The following GLI3 variants were observed in gnomAD, a reference collection of about 807,000 sequenced individuals.
GLI3 encodes the protein transcription activator GLI3.
GLI3 carries 20 observed loss-of-function variants against 100.8 expected under a neutral mutation model. The observed-to-expected ratio is 0.20, with a 90% CI of 0.14 to 0.29. The LOEUF (loss-of-function observed/expected upper bound fraction) is 0.29. GLI3 is among the 10% of genes least tolerant of loss of function. The pLI is 1.00. For missense variants in GLI3, 2,040 were observed against 2,128.5 expected, an observed-to-expected ratio of 0.96 and a Z score of 0.82; for synonymous variants, 938 against 860.5, an observed-to-expected ratio of 1.09 and a Z score of -1.58.
intron 10 of GLI3, among the ~76,000 whole-genome samples, chr7:42,003,459 G>T (rs568762054): frequency 1.3e-5 from 2 of 151,874 alleles, no homozygotes; most frequent in African/African-American, 4.8e-5. Context: ...AAATAAAAAA[G>T]AAACCACTGA....
At chr7:41,991,181 A>G (rs1450883325) in intron 10 of GLI3, among the ~76,000 whole-genome samples, 4 of 152,208 alleles carry the variant, frequency 2.6e-5, no homozygotes, top group African/African-American at 9.6e-5. Flanking sequence ...TCTAAAAATT[A>G]GCCTTCAATG....
intron 3 of GLI3, among the ~76,000 whole-genome samples, chr7:42,142,619 G>A (rs1786596262): frequency 6.6e-6 from 1 of 152,090 alleles, no homozygotes; most frequent in South Asian, 2.1e-4. Flanking sequence ...TCAGGCACAA[G>A]AGTAGTCAAG....
At chr7:42,004,747 G>A (rs1263055256) in intron 10 of GLI3, among the ~76,000 whole-genome samples, 1 of 152,170 alleles carries the variant, frequency 6.6e-6, no homozygotes, top group Admixed American at 6.5e-5. Context: ...AAAGTGTTGG[G>A]ATTCCAGGCA....
At chr7:42,013,576 T>A (rs866493240) in intron 10 of GLI3, among the ~76,000 whole-genome samples, 1 of 152,104 alleles carries the variant, frequency 6.6e-6, no homozygotes, top group Non-Finnish European at 1.5e-5. Flanking sequence ...TCTTGCTATG[T>A]TGCCCAGGAT....
chr7:42,248,065 G>A, intron 1 of GLI3, among the ~76,000 whole-genome samples: 1 of 152,120 alleles, frequency 6.6e-6, no homozygotes, highest in East Asian at 1.9e-4. Context: ...CTCTGGAAAA[G>A]GGATTCAATA....
At chr7:42,200,393 T>C (rs928352348) in intron 2 of GLI3, among the ~76,000 whole-genome samples, 4 of 152,150 alleles carry the variant, frequency 2.6e-5, no homozygotes, top group African/African-American at 7.2e-5. Context: ...GAAAGAGACT[T>C]TGAGGCCTTA....
In GLI3 at chr7:42,252,557, T is replaced by G. The variant is rs1789044700; in HGVS notation, c.-43+11437A>C. On this transcript the variant is annotated intron_variant, in intron 1 of 2. Coordinates refer to the GLI3 transcript ENST00000678978. ...GGACTCCTCAATACTATTCTCACTA[T>G]TATACACACAAAAAGTGATTATTGG... 2.0e-5 allele frequency among the ~76,000 whole-genome samples: 3 copies of G among 152,214 alleles called. No homozygotes were observed. The South Asian group carries it at 6.2e-4, about 32-fold the overall frequency.
At chr7:42,128,280 A>C (rs1379949215) in intron 3 of GLI3, among the ~76,000 whole-genome samples, 4 of 152,134 alleles carry the variant, frequency 2.6e-5, no homozygotes, top group Non-Finnish European at 5.9e-5. Flanking sequence ...TTTGATTTAA[A>C]TTTCTATCAA....
chr7:42,056,157 C>A (rs1283830512), intron 4 of GLI3, among the ~76,000 whole-genome samples: 3 of 152,174 alleles, frequency 2.0e-5, no homozygotes, highest in Non-Finnish European at 1.5e-5. Flanking sequence ...GTAAATTGCC[C>A]AGTCTCGGGC....
At chr7:41,996,989 C>T (rs779506711) in intron 10 of GLI3, among the ~76,000 whole-genome samples, 2 of 152,158 alleles carry the variant, frequency 1.3e-5, no homozygotes, top group African/African-American at 2.4e-5. Flanking sequence ...GCCCATGTGG[C>T]CATAAAACAA....
At chr7:42,093,149 A>G (rs66558910) in intron 3 of GLI3, among the ~76,000 whole-genome samples, 35,343 of 151,126 alleles carry the variant, frequency 0.23, 4,313 homozygotes, top group Admixed American at 0.36. Flanking sequence ...GGCGCCCAGC[A>G]TGGGCAAATC....
At chr7:42,244,089 C>T (rs1352012215) in intron 1 of GLI3, among the ~76,000 whole-genome samples, 2 of 152,194 alleles carry the variant, frequency 1.3e-5, no homozygotes, top group African/African-American at 4.8e-5. Context: ...CCACCTTGGC[C>T]TCCCAAAGTG....
At chr7:42,047,228 A>G (rs576730518) in intron 5 of GLI3, among the ~76,000 whole-genome samples, 39 of 152,338 alleles carry the variant, frequency 2.6e-4, no homozygotes, top group Admixed American at 2.2e-3. Context: ...ACTATTATTA[A>G]CCAGTAAATT....
rs751800246 is a variant in GLI3 at position 42,026,170 on chromosome 7, G to T, written c.1242+29C>A. The T allele has an allele frequency of 1.3e-5, 20 of 1,544,154 alleles. No homozygotes were observed. In the South Asian group the frequency reaches 2.2e-4, roughly 17 times the overall value. On this transcript the variant is annotated intron_variant, in intron 8 of 14. Coordinates refer to ENST00000395925, the MANE Select transcript of GLI3 (RefSeq NM_000168.6). ...GCCCCCACCCTCGGCTGACCAGCAC[G>T]GCCGGGTGCATCGACCTGTCCCTCT...
At chr7:42,004,799 G>T (rs1454116590) in intron 10 of GLI3, among the ~76,000 whole-genome samples, 2 of 152,140 alleles carry the variant, frequency 1.3e-5, no homozygotes, top group Admixed American at 6.6e-5. Context: ...TTTAGAGAAT[G>T]ATATTCTTTT....
intron 3 of GLI3, among the ~76,000 whole-genome samples, chr7:42,084,266 T>G (rs1390284303): frequency 3.3e-5 from 5 of 152,364 alleles, no homozygotes; most frequent in African/African-American, 1.2e-4. Flanking sequence ...CATGGTCATG[T>G]GTTTCCCACA....
At chr7:42,132,096 T>C (rs953465168) in intron 3 of GLI3, among the ~76,000 whole-genome samples, 3 of 151,876 alleles carry the variant, frequency 2.0e-5, no homozygotes, top group African/African-American at 7.3e-5. Flanking sequence ...TTTATTTATT[T>C]ATTCATTTAT....
intron 3 of GLI3, among the ~76,000 whole-genome samples, chr7:42,096,271 G>A (rs370585437): frequency 6.6e-6 from 1 of 152,220 alleles, no homozygotes; most frequent in African/African-American, 2.4e-5. Context: ...AGTGAGAAAG[G>A]AGAGTACCGA....
rs369603689 is a variant in GLI3, at chr7:42,020,409, G to A, written c.1497+3059C>T. 4.6e-5 allele frequency among the ~76,000 whole-genome samples: 7 copies of A among 152,106 alleles called. No individual in the cohort carries two copies. The East Asian group carries it at 5.8e-4, about 13-fold the overall frequency. On this transcript the variant is annotated intron_variant, in intron 10 of 14. Transcript: ENST00000395925. ...AATTGCAGCCAGCACCCTATTCCCC[G>A]GAAGGATATCAATTATAGATAGTGA...
Sources: gnomAD v4.1 joint callset for allele counts (sites outside exome capture counted in the v4.1 genomes callset) on GRCh38, gnomAD v4.1.1 for gene constraint, MANE v1.5 for transcripts, NCBI Gene and HGNC (gene_info 2026-07-23, HGNC 2026-07-21) for gene names.